Variants in EPHA6 observed in about 807,000 individuals in gnomAD.
The protein encoded by EPHA6 is ephrin type-A receptor 6.
EPHA6 carries 50 observed loss-of-function variants against 112.0 expected under a neutral mutation model. The observed-to-expected ratio is 0.45, with a 90% confidence interval of 0.36 to 0.56. The LOEUF (loss-of-function observed/expected upper bound fraction) is 0.56. Ranked by LOEUF, EPHA6 falls within the 20% of genes least tolerant of loss-of-function variation. The pLI, the probability that EPHA6 is intolerant of heterozygous loss-of-function variation, is 0.00. For missense variants in EPHA6, 1,280 were observed against 1,417.4 expected (o/e 0.90, Z 1.56); for synonymous variants, 529 against 490.7 (o/e 1.08, Z -1.03).
intron 11 of EPHA6, among the ~76,000 whole-genome samples, chr3:97,577,495 A>G (rs535762036): frequency 6.6e-6 from 1 of 152,102 alleles, no homozygotes; most frequent in South Asian, 2.1e-4. Context: ...CATTGAGCTA[A>G]GCTTATGAAT....
intron 6 of EPHA6, among the ~76,000 whole-genome samples, chr3:97,413,034 G>A (rs1396808934): frequency 6.6e-6 from 1 of 151,344 alleles, no homozygotes; most frequent in Non-Finnish European, 1.5e-5. Context: ...AATGCCTTCT[G>A]GGGAGTAACA....
At chr3:97,302,730 C>A (rs1273506628) in intron 5 of EPHA6, among the ~76,000 whole-genome samples, 1 of 151,720 alleles carries the variant, frequency 6.6e-6, no homozygotes, top group Non-Finnish European at 1.5e-5. Context: ...AGACTTATTA[C>A]CTTATTTTCA....
intron 2 of EPHA6, among the ~76,000 whole-genome samples, chr3:96,938,380 G>A (rs992441517): frequency 2.7e-5 from 4 of 150,176 alleles, no homozygotes; most frequent in Admixed American, 6.6e-5. Flanking sequence ...ATTGTGAATG[G>A]GAGTTCACTC....
intron 5 of EPHA6, among the ~76,000 whole-genome samples, chr3:97,248,817 T>G (rs2079053649): frequency 6.6e-6 from 1 of 152,160 alleles, no homozygotes; most frequent in African/African-American, 2.4e-5. Context: ...AAACTTGAGA[T>G]GTCTATTTGG....
At chr3:96,904,204 AC>A (rs2038787274) in intron 2 of EPHA6, among the ~76,000 whole-genome samples, 2 of 152,028 alleles carry the variant, frequency 1.3e-5, no homozygotes, top group South Asian at 4.2e-4. Flanking sequence ...CTTGGAACCA[AC>A]CCAAATGTCC....
chr3:97,378,454 T>G (rs1271763143), intron 5 of EPHA6, among the ~76,000 whole-genome samples: 2 of 152,140 alleles, frequency 1.3e-5, no homozygotes, highest in Admixed American at 6.5e-5. Context: ...GGGCACCACC[T>G]AGTGGAGCTG....
At chr3:97,060,418 A>T (rs1366271107) in intron 3 of EPHA6, among the ~76,000 whole-genome samples, 1 of 152,204 alleles carries the variant, frequency 6.6e-6, no homozygotes. Context: ...ATGAACATAT[A>T]TATTACAGTG....
intron 3 of EPHA6, among the ~76,000 whole-genome samples, chr3:97,215,542 C>T (rs1346288533): frequency 2.7e-5 from 4 of 150,758 alleles, no homozygotes; most frequent in South Asian, 4.2e-4. Flanking sequence ...ACCCGGGAGG[C>T]GGAGGTTGCA....
chr3:96,923,258 C>A (rs1171776767), intron 2 of EPHA6, among the ~76,000 whole-genome samples: 2 of 152,120 alleles, frequency 1.3e-5, no homozygotes, highest in African/African-American at 2.4e-5. Context: ...CTCCCACCAA[C>A]AATGAAAAAA....
At chr3:97,529,621 CATTTA>C (rs2092673350) in intron 10 of EPHA6, among the ~76,000 whole-genome samples, 2 of 151,892 alleles carry the variant, frequency 1.3e-5, no homozygotes. Flanking sequence ...TGAAACTATG[CATTTA>C]ATTTAAAATT....
chr3:96,832,554 A>G (rs2034151734), intron 1 of EPHA6, among the ~76,000 whole-genome samples: 1 of 152,076 alleles, frequency 6.6e-6, no homozygotes, highest in Non-Finnish European at 1.5e-5. Flanking sequence ...CCACAATTTC[A>G]GTACATTCAA....
At chr3:97,730,302 G>C (rs940549265) in intron 15 of EPHA6, among the ~76,000 whole-genome samples, 2 of 152,018 alleles carry the variant, frequency 1.3e-5, no homozygotes, top group Non-Finnish European at 2.9e-5. Flanking sequence ...GTTGATTCTA[G>C]GTTGTTAAAA....
intron 2 of EPHA6, among the ~76,000 whole-genome samples, chr3:96,953,178 AT>A (rs1015366155): frequency 5.3e-5 from 8 of 152,158 alleles, no homozygotes; most frequent in African/African-American, 1.9e-4. Flanking sequence ...CAAGGAGTTT[AT>A]TTTTTTAATG....
At chr3:97,745,992 G>A (rs2035699526) in intron 16 of EPHA6, among the ~76,000 whole-genome samples, 1 of 151,766 alleles carries the variant, frequency 6.6e-6, no homozygotes, top group Non-Finnish European at 1.5e-5. Context: ...GTAATCATTT[G>A]TGCTCGTAGC....
intron 3 of EPHA6, among the ~76,000 whole-genome samples, chr3:97,011,408 G>A (rs761139146): frequency 8.5e-5 from 13 of 152,164 alleles, no homozygotes; most frequent in Admixed American, 2.6e-4. Context: ...TGCCTGGATT[G>A]TTGTAAGATT....
chr3:97,354,096 A>G (rs932374311), intron 5 of EPHA6, among the ~76,000 whole-genome samples: 10 of 152,216 alleles, frequency 6.6e-5, no homozygotes, highest in Non-Finnish European at 1.3e-4. Context: ...TAATGCACAT[A>G]CAATTGCAGT....
At chr3:97,164,531 A>C (rs1344442070) in intron 3 of EPHA6, among the ~76,000 whole-genome samples, 2 of 152,110 alleles carry the variant, frequency 1.3e-5, no homozygotes, top group Non-Finnish European at 2.9e-5. Flanking sequence ...TAAAATTGCA[A>C]AAATAAGTAG....
At chr3:97,121,768 A>G (rs757492281) in intron 3 of EPHA6, among the ~76,000 whole-genome samples, 33 of 152,022 alleles carry the variant, frequency 2.2e-4, no homozygotes, top group Non-Finnish European at 3.5e-4. Flanking sequence ...AAGGATGACT[A>G]TTGCTCCCAG....
At chr3:97,303,404 C>A (rs74901768) in intron 5 of EPHA6, among the ~76,000 whole-genome samples, 12,600 of 151,730 alleles carry the variant, frequency 0.083, 1,604 homozygotes, top group African/African-American at 0.28. Flanking sequence ...TGTATTAGTC[C>A]GAGTTTTCCA....
Sources: gnomAD v4.1 joint callset for allele counts (sites outside exome capture counted in the v4.1 genomes callset) on GRCh38, gnomAD v4.1.1 for gene constraint, MANE v1.5 for transcripts, NCBI Gene and HGNC (gene_info 2026-07-23, HGNC 2026-07-21) for gene names.